SDK1: variants seen among roughly 807,000 people sequenced by gnomAD.
SDK1 encodes protein sidekick-1.
Under a neutral mutation model 245.5 loss-of-function variants are expected in SDK1, and 157 were observed. That is an observed-to-expected ratio of 0.64 (90% CI 0.56 to 0.73). SDK1 has a LOEUF of 0.73. Ranked by LOEUF, SDK1 falls within the 30% of genes least tolerant of loss-of-function variation. The pLI is 0.00. For missense variants in SDK1, 3,583 were observed against 3,002.3 expected (o/e 1.19, Z -4.52); for synonymous variants, 1,647 against 1,278.5 (o/e 1.29, Z -6.15).
chr7:3,802,812 C>T (rs764893033), intron 4 of SDK1, among the ~76,000 whole-genome samples: 17 of 152,094 alleles, frequency 1.1e-4, no homozygotes, highest in Non-Finnish European at 2.1e-4. Context: ...ATTGTGATGC[C>T]GGATTCTGTG....
intron 5 of SDK1, among the ~76,000 whole-genome samples, chr7:3,913,039 G>C (rs750326914): frequency 6.6e-6 from 1 of 152,172 alleles, no homozygotes; most frequent in Non-Finnish European, 1.5e-5. Context: ...TAAAGTGAGA[G>C]CTTGTGATTA....
chr7:3,495,252 CTTTTTTTTTTT>C (rs71029675), intron 1 of SDK1, among the ~76,000 whole-genome samples: 9 of 99,772 alleles, frequency 9.0e-5, no homozygotes, highest in Admixed American at 1.3e-4. Flanking sequence ...CATAATGGTT[CTTTTTTTTTTT>C]TTTTTTTTTT....
intron 9 of SDK1, among the ~76,000 whole-genome samples, chr7:3,966,298 G>A (rs574560949): frequency 6.6e-6 from 1 of 152,272 alleles, no homozygotes; most frequent in South Asian, 2.1e-4. Flanking sequence ...CGGCGGCTGT[G>A]CCCTGGGTCC....
At chr7:3,630,980 G>T (rs1231883159) in intron 2 of SDK1, among the ~76,000 whole-genome samples, 1 of 152,038 alleles carries the variant, frequency 6.6e-6, no homozygotes, top group Non-Finnish European at 1.5e-5. Flanking sequence ...TTGTTGCCCA[G>T]GTTGGAGTGC....
At chr7:3,982,181 C>G (rs561461363) in intron 13 of SDK1, among the ~76,000 whole-genome samples, 30 of 152,232 alleles carry the variant, frequency 2.0e-4, no homozygotes, top group Non-Finnish European at 3.5e-4. Context: ...AATGGAACAG[C>G]AAAGCCTGGA....
intron 1 of SDK1, among the ~76,000 whole-genome samples, chr7:3,533,393 TTCCA>T (rs1783414191): frequency 6.6e-6 from 1 of 152,214 alleles, no homozygotes; most frequent in Non-Finnish European, 1.5e-5. Flanking sequence ...AAGGGAGGAC[TTCCA>T]TTTGACTTCA....
chr7:4,212,564 T>C (rs1784564394), intron 38 of SDK1, among the ~76,000 whole-genome samples: 1 of 152,208 alleles, frequency 6.6e-6, no homozygotes, highest in African/African-American at 2.4e-5. Context: ...CAGGATCTGT[T>C]GTGACCTTCC....
intron 40 of SDK1, among the ~76,000 whole-genome samples, chr7:4,228,890 G>A (rs1785589103): frequency 1.3e-5 from 2 of 152,124 alleles, no homozygotes; most frequent in South Asian, 2.1e-4. Context: ...AGAGAAACCA[G>A]GCTGGCTCTT....
chr7:4,146,513 G>C lies in SDK1; in HGVS notation c.4423+597G>C, dbSNP rs1779994890. On this transcript the variant is annotated intron_variant, in intron 29 of 44. Coordinates refer to ENST00000404826, the MANE Select transcript of SDK1 (RefSeq NM_152744.4). Reference sequence around the variant, plus strand: ...CCTGAGCATTGCATTCACACCTTCAGCCTCACACCTGCTCTCTTAGATATG... The same window carrying C: ...CCTGAGCATTGCATTCACACCTTCACCCTCACACCTGCTCTCTTAGATATG... Among the ~76,000 whole-genome samples the C allele has an allele frequency of 2.6e-5, 4 of 152,350 alleles. No individual in the cohort carries two copies. The South Asian group carries it at 6.2e-4, about 24-fold the overall frequency.
intron 13 of SDK1, among the ~76,000 whole-genome samples, chr7:3,985,175 A>G (rs1327980203): frequency 1.3e-5 from 2 of 152,252 alleles, no homozygotes; most frequent in Non-Finnish European, 2.9e-5. Flanking sequence ...CCCAAGAAGC[A>G]TAAGCTCAGC....
intron 19 of SDK1, among the ~76,000 whole-genome samples, chr7:4,061,924 T>A (rs1187870009): frequency 7.3e-6 from 1 of 137,044 alleles, no homozygotes; most frequent in Non-Finnish European, 1.5e-5. Context: ...TAGGTGGGAA[T>A]TGAACAGTGA....
At chr7:4,104,606 C>T (rs989355391) in intron 22 of SDK1, among the ~76,000 whole-genome samples, 6 of 152,128 alleles carry the variant, frequency 3.9e-5, no homozygotes, top group African/African-American at 1.4e-4. Flanking sequence ...TATTCCCCTC[C>T]GAACCAGTTT....
chr7:4,077,181 T>C lies in SDK1; in HGVS notation c.3194T>C (p.Val1065Ala). 2 of 1,614,032 alleles carry C rather than the reference T, an allele frequency of 1.2e-6. No homozygotes were observed. Among genetic ancestry groups the C allele is most frequent in the Non-Finnish European group, 1.7e-6 (2 of 1,179,974 alleles). The change falls in exon 21 of 45, where the codon GTG becomes GCG. Residue 1065 changes from valine (V) to alanine (A), a missense_variant. Transcript: ENST00000404826. ...ACTTCATCCACCATTTCTTCTGGAG[T>C]GCCCCCAGGTCAGTAGAATCGTGTG... The part of the protein sequence containing the change: ...LVTSSTISSG[V>A]PPDLPGAPSN...
intron 1 of SDK1, among the ~76,000 whole-genome samples, chr7:3,550,780 T>C (rs1432643110): frequency 2.0e-5 from 3 of 152,258 alleles, no homozygotes; most frequent in African/African-American, 4.8e-5. Context: ...AAGATTTCTT[T>C]TAAGAACTCT....
intron 4 of SDK1, among the ~76,000 whole-genome samples, chr7:3,747,166 A>C (rs1779649249): frequency 6.6e-6 from 1 of 152,218 alleles, no homozygotes; most frequent in Non-Finnish European, 1.5e-5. Flanking sequence ...CAGGCATGAT[A>C]ATAGAAAATT....
intron 5 of SDK1, among the ~76,000 whole-genome samples, chr7:3,868,374 G>A (rs1780872267): frequency 6.6e-6 from 1 of 152,124 alleles, no homozygotes; most frequent in African/African-American, 2.4e-5. Flanking sequence ...ATATAATGAG[G>A]TTAAAACTGT....
intron 5 of SDK1, among the ~76,000 whole-genome samples, chr7:3,854,616 A>G (rs1780496346): frequency 6.6e-6 from 1 of 152,236 alleles, no homozygotes; most frequent in East Asian, 1.9e-4. Flanking sequence ...TTTTAGAGTC[A>G]CATAACTACA....
chr7:3,493,093 G>A (rs1781912933), intron 1 of SDK1, among the ~76,000 whole-genome samples: 2 of 152,124 alleles, frequency 1.3e-5, no homozygotes, highest in African/African-American at 2.4e-5. Flanking sequence ...TGGGACTACA[G>A]GTGCCCGCCA....
chr7:4,200,356 T>C (rs893878620), intron 35 of SDK1, among the ~76,000 whole-genome samples: 1 of 152,236 alleles, frequency 6.6e-6, no homozygotes, highest in Non-Finnish European at 1.5e-5. Context: ...AGCTGGGATG[T>C]ATCAGTCAGC....
Sources: gnomAD v4.1 joint callset for allele counts (sites outside exome capture counted in the v4.1 genomes callset) on GRCh38, gnomAD v4.1.1 for gene constraint, MANE v1.5 for transcripts, NCBI Gene and HGNC (gene_info 2026-07-23, HGNC 2026-07-21) for gene names.